UBE2D1: variants seen among roughly 807,000 people sequenced by gnomAD.
UBE2D1 encodes the protein ubiquitin conjugating enzyme E2 D1, also known as ubiquitin-conjugating enzyme E2 D1.
A neutral mutation model predicts 24.6 loss-of-function variants in UBE2D1; 9 were observed. The ratio of observed to expected loss-of-function variants is 0.37; its 90% CI spans 0.22 to 0.64. The LOEUF (loss-of-function observed/expected upper bound fraction) is 0.64. UBE2D1 is among the 30% of genes least tolerant of loss of function. The probability of loss-of-function intolerance (pLI) is 0.64; values close to 1 mark genes in which losing one functional copy is unlikely to be tolerated. For missense variants in UBE2D1, 87 were observed against 177.1 expected (o/e 0.49, Z 2.89); for synonymous variants, 57 against 57.6 (o/e 0.99, Z 0.04).
chr10:58,364,740 G>A (rs761920412), intron 4 of UBE2D1, 31 bp from the exon 5 acceptor site: 19 of 1,518,842 alleles, frequency 1.3e-5, no homozygotes, highest in Non-Finnish European at 1.6e-5. Flanking sequence ...AAAGGTGATT[G>A]TCATATTTTG....
At chr10:58,358,768 C>CT (rs943069728) in intron 1 of UBE2D1, among the ~76,000 whole-genome samples, 103 of 146,468 alleles carry the variant, frequency 7.0e-4, no homozygotes, top group Admixed American at 9.6e-4. Flanking sequence ...TTTTCTTTTT[C>CT]TTTTTTTTTT....
intron 1 of UBE2D1, 61 bp from the exon 2 acceptor site, chr10:58,361,277 A>T: frequency 6.5e-7 from 1 of 1,548,956 alleles, no homozygotes. Flanking sequence ...TTAATGGATC[A>T]TTACCCTTGT....
chr10:58,341,682 T>G (rs992497421), intron 1 of UBE2D1, among the ~76,000 whole-genome samples: 1 of 152,210 alleles, frequency 6.6e-6, no homozygotes, highest in Non-Finnish European at 1.5e-5. Flanking sequence ...AATAGCGTCC[T>G]TACTCGCTTT....
intron 6 of UBE2D1, 91 bp from the exon 7 acceptor site, chr10:58,368,629 T>A (rs1449283791): frequency 1.3e-6 from 1 of 791,334 alleles, no homozygotes. Context: ...CAATTAAGTA[T>A]AAGAAGGTAG....
In UBE2D1 at chr10:58,335,184, C is replaced by CA. The variant is rs992743337; in HGVS notation, c.-17dup. Reference sequence around the variant, plus strand: ...GCCGACCCCTGCCGGCCGGTGTCCCCACCGCCATCCCTGACCCATGGCGCT... The same window carrying CA: ...GCCGACCCCTGCCGGCCGGTGTCCCCAACCGCCATCCCTGACCCATGGCGCT... On this transcript the variant is annotated 5_prime_UTR_variant, in exon 1 of 7. Transcript: ENST00000373910. 6.5e-7 allele frequency: 1 copy of CA among 1,545,492 alleles called. No individual in the cohort carries two copies. Among genetic ancestry groups the CA allele is most frequent in the African/African-American group, 1.4e-5 (1 of 71,336 alleles).
At position 58,339,758 on chromosome 10, in the gene UBE2D1, C is replaced by CTT. The variant is rs59588627; in HGVS notation, c.24+4545_24+4546dup. Among the ~76,000 whole-genome samples the CTT allele has an allele frequency of 5.5e-3, 785 of 142,636 alleles. 9 individuals are homozygous for CTT. The highest frequency in any genetic ancestry group is 0.018 in the African/African-American group (713 of 39,268). The allele number at this position is 142,636 out of a possible 152,430, so 93.6% of individuals were successfully genotyped here. On this transcript the variant is annotated intron_variant, in intron 1 of 6. Coordinates refer to ENST00000373910, the MANE Select transcript of UBE2D1 (RefSeq NM_003338.5). ...AACAGTTGGCTTCAATTCCACATTC[C>CTT]TTTTTTTTTTTTTCAGTCTTAGAAT...
At chr10:58,345,251 A>T (rs971335019) in intron 1 of UBE2D1, among the ~76,000 whole-genome samples, 2 of 152,052 alleles carry the variant, frequency 1.3e-5, no homozygotes, top group Non-Finnish European at 2.9e-5. Context: ...CAGAAGAAAC[A>T]CTTGAGCCCA....
Position 58,369,758 on chromosome 10 carries a change from C to T in UBE2D1, c.*993C>T, listed in dbSNP as rs1840294150. The T allele has an allele frequency of 6.6e-6, 1 of 151,990 alleles. No individual in the cohort carries two copies. The highest frequency in any genetic ancestry group is 2.4e-5 in the African/African-American group (1 of 41,392). The allele number at this position is 151,990 out of a possible 1,614,324, so 9.4% of individuals were successfully genotyped here. A position where few individuals can be genotyped will look rare whatever the true frequency, so the allele number is the denominator to read the frequency against. On this transcript the variant is annotated 3_prime_UTR_variant, in exon 7 of 7. Coordinates refer to ENST00000373910, the MANE Select transcript of UBE2D1 (RefSeq NM_003338.5). ...ATTGTTTTAGGTTAGTATCTCTTTA[C>T]TAAATTGTCAGTCTATAAGATAATA...
At chr10:58,367,179 G>A (rs1047995677) in intron 5 of UBE2D1, among the ~76,000 whole-genome samples, 1 of 152,136 alleles carries the variant, frequency 6.6e-6, no homozygotes, top group Non-Finnish European at 1.5e-5. Flanking sequence ...GTGGGTGCAA[G>A]TGGAAATGGG....
chr10:58,337,534 C>G (rs1311173375), intron 1 of UBE2D1, among the ~76,000 whole-genome samples: 1 of 152,112 alleles, frequency 6.6e-6, no homozygotes, highest in Admixed American at 6.5e-5. Flanking sequence ...GGCCTTTCTT[C>G]TTAAGCTCAC....
Position 58,339,901 on chromosome 10 carries a change from C to T in UBE2D1, c.24+4676C>T, listed in dbSNP as rs536922422. Reference sequence around the variant, plus strand: ...GAGAGTCAAGGATCCTTCTCTTCCACTTCTTAGGAGAGAATGATAGTTTTT... The same window carrying T: ...GAGAGTCAAGGATCCTTCTCTTCCATTTCTTAGGAGAGAATGATAGTTTTT... On this transcript the variant is annotated intron_variant, in intron 1 of 6. Transcript: ENST00000373910. Among the ~76,000 whole-genome samples the T allele has an allele frequency of 3.3e-5, 5 of 152,210 alleles. No individual in the cohort carries two copies. The South Asian group carries it at 1.0e-3, about 32-fold the overall frequency.
chr10:58,356,732 G>A (rs1840134942), intron 1 of UBE2D1, among the ~76,000 whole-genome samples: 1 of 152,198 alleles, frequency 6.6e-6, no homozygotes, highest in South Asian at 2.1e-4. Context: ...GTGGATGGAA[G>A]TATTGTAATT....
At chr10:58,344,960 G>A (rs1027494795) in intron 1 of UBE2D1, among the ~76,000 whole-genome samples, 5 of 151,542 alleles carry the variant, frequency 3.3e-5, no homozygotes, top group South Asian at 2.1e-4. Context: ...CACCTCCTGC[G>A]TTTAGGGGAT....
At chr10:58,349,925 C>G (rs1840054755) in intron 1 of UBE2D1, among the ~76,000 whole-genome samples, 1 of 152,124 alleles carries the variant, frequency 6.6e-6, no homozygotes, top group African/African-American at 2.4e-5. Context: ...TTGTCTCTGG[C>G]TGCTTTTGCT....
At chr10:58,341,648 G>A (rs1839962705) in intron 1 of UBE2D1, among the ~76,000 whole-genome samples, 1 of 152,182 alleles carries the variant, frequency 6.6e-6, no homozygotes, top group African/African-American at 2.4e-5. Context: ...CTAGCAGGAT[G>A]TGGGATTGCC....
At chr10:58,368,629 TAAG>T (rs1340392604) in intron 6 of UBE2D1, 88 bp from the exon 7 acceptor site, 4 of 791,334 alleles carry the variant, frequency 5.1e-6, no homozygotes, top group Non-Finnish European at 7.4e-6. Flanking sequence ...CAATTAAGTA[TAAG>T]AAGGTAGAAT....
At chr10:58,356,844 T>C (rs1050470291) in intron 1 of UBE2D1, among the ~76,000 whole-genome samples, 3 of 152,204 alleles carry the variant, frequency 2.0e-5, no homozygotes, top group African/African-American at 7.2e-5. Flanking sequence ...AACACACATA[T>C]GTAGATAAAA....
intron 1 of UBE2D1, among the ~76,000 whole-genome samples, chr10:58,344,414 C>T (rs1245974562): frequency 6.6e-6 from 1 of 152,152 alleles, no homozygotes; most frequent in Non-Finnish European, 1.5e-5. Flanking sequence ...TCTTTATACT[C>T]CTCACTTGGA....
At chr10:58,363,783 A>G in intron 4 of UBE2D1, 97 bp downstream of exon 4, 1 of 850,312 alleles carries the variant, frequency 1.2e-6, no homozygotes, top group Middle Eastern at 3.4e-4. Flanking sequence ...TGATATGTCA[A>G]AGACTGTGGG....
Sources: allele counts gnomAD v4.1 joint callset (sites outside exome capture counted in the v4.1 genomes callset), GRCh38; gene constraint gnomAD v4.1.1; transcripts MANE v1.5; gene names NCBI Gene and HGNC (gene_info 2026-07-23, HGNC 2026-07-21).